PSD3: variants seen among roughly 807,000 people sequenced by gnomAD.
The protein encoded by PSD3 is pleckstrin and Sec7 domain containing 3, also known as PH and SEC7 domain-containing protein 3.
Under a neutral mutation model 105.5 loss-of-function variants are expected in PSD3, and 49 were observed. The ratio of observed to expected loss-of-function variants is 0.46; its 90% CI spans 0.37 to 0.59. PSD3 has a LOEUF of 0.59. Among genes scored for constraint, PSD3 ranks in the 20% least tolerant of loss-of-function variants. The probability of loss-of-function intolerance (pLI) is 0.00; values close to 1 mark genes in which losing one functional copy is unlikely to be tolerated. For synonymous variants in PSD3, 557 were observed against 457.8 expected, an observed-to-expected ratio of 1.22 and a Z score of -2.77; for missense variants, 1,561 against 1,263.8, an observed-to-expected ratio of 1.24 and a Z score of -3.57.
At chr8:18,998,595 A>G (rs1253235768) in intron 1 of PSD3, among the ~76,000 whole-genome samples, 1 of 151,980 alleles carries the variant, frequency 6.6e-6, no homozygotes, top group South Asian at 2.1e-4. Flanking sequence ...GCTGAGGCAG[A>G]AGAATCGCTT....
chr8:18,856,740 AATT>A (rs1471821105), intron 4 of PSD3, among the ~76,000 whole-genome samples: 3 of 152,186 alleles, frequency 2.0e-5, no homozygotes, highest in African/African-American at 2.4e-5. Flanking sequence ...AGGCTCTTAG[AATT>A]ATTATTACAG....
intron 1 of PSD3, among the ~76,000 whole-genome samples, chr8:18,954,954 AAG>A (rs1208699911): frequency 6.6e-6 from 1 of 152,238 alleles, no homozygotes; most frequent in African/African-American, 2.4e-5. Flanking sequence ...ACGCCAAAAA[AAG>A]AGATAACATC....
At chr8:18,786,072 AG>A (rs759749953) in intron 8 of PSD3, among the ~76,000 whole-genome samples, 30 of 152,120 alleles carry the variant, frequency 2.0e-4, no homozygotes, top group Non-Finnish European at 5.9e-5. Context: ...TACAATAAAA[AG>A]TTTCCCTGTG....
intron 1 of PSD3, among the ~76,000 whole-genome samples, chr8:19,047,249 C>T (rs943829351): frequency 2.0e-5 from 3 of 152,208 alleles, no homozygotes; most frequent in African/African-American, 4.8e-5. Flanking sequence ...CTCTCTAACT[C>T]TGCAGTTCTC....
intron 4 of PSD3, among the ~76,000 whole-genome samples, chr8:18,859,683 A>G (rs6986558): frequency 0.088 from 13,431 of 152,222 alleles, 732 homozygotes; most frequent in African/African-American, 0.15. Context: ...TTACGGAGAT[A>G]GCTTCTTTTC....
chr8:18,605,376 C>CT (rs36029670), intron 11 of PSD3, among the ~76,000 whole-genome samples: 110,522 of 151,428 alleles, frequency 0.73, 40,512 homozygotes, highest in East Asian at 0.82. Context: ...CCTGTAGCCC[C>CT]TTTTTTTTGG....
At position 18,685,266 on chromosome 8, in the gene PSD3, A is replaced by G. The variant is rs920881546; in HGVS notation, c.2173-29581T>C. On this transcript the variant is annotated intron_variant, in intron 9 of 15. Coordinates refer to ENST00000327040, the MANE Select transcript of PSD3 (RefSeq NM_015310.4). ...ATTAATTTTTTAAAAAATGGTTTAA[A>G]GTAATTCTTAAACTTTAATTACTAA... Among the ~76,000 whole-genome samples, 7 of 152,288 alleles carry G rather than the reference A, an allele frequency of 4.6e-5. No homozygotes were observed. The South Asian group carries it at 1.5e-3, about 32-fold the overall frequency.
At chr8:18,965,801 TA>T (rs1824204273) in intron 1 of PSD3, among the ~76,000 whole-genome samples, 1 of 152,182 alleles carries the variant, frequency 6.6e-6, no homozygotes, top group Admixed American at 6.5e-5. Context: ...ATCTGAAGCT[TA>T]ATACAGAATT....
At chr8:18,757,965 A>G (rs973358940) in intron 9 of PSD3, among the ~76,000 whole-genome samples, 1 of 152,182 alleles carries the variant, frequency 6.6e-6, no homozygotes, top group African/African-American at 2.4e-5. Flanking sequence ...CTCTGGCTGA[A>G]TAGACAAACT....
At chr8:18,679,774 C>A (rs1041517708) in intron 9 of PSD3, among the ~76,000 whole-genome samples, 3 of 152,200 alleles carry the variant, frequency 2.0e-5, no homozygotes, top group African/African-American at 7.2e-5. Flanking sequence ...TATGCACCAA[C>A]CAAAGTACCA....
intron 1 of PSD3, among the ~76,000 whole-genome samples, chr8:19,023,408 T>TTTAC (rs1290983199): frequency 1.7e-5 from 2 of 115,308 alleles, no homozygotes; most frequent in African/African-American, 6.3e-5. Context: ...TATTTATTTA[T>TTTAC]TTATTTATTT....
intron 9 of PSD3, among the ~76,000 whole-genome samples, chr8:18,740,335 C>T (rs541094985): frequency 9.3e-4 from 141 of 152,314 alleles, no homozygotes; most frequent in African/African-American, 3.0e-3. Context: ...CTGACCTCAA[C>T]TGCACCCTTT....
intron 4 of PSD3, among the ~76,000 whole-genome samples, chr8:18,847,568 AG>A (rs1409923272): frequency 1.3e-5 from 2 of 152,242 alleles, no homozygotes; most frequent in Non-Finnish European, 2.9e-5. Flanking sequence ...AACTAATCTA[AG>A]GAGCCAGAAT....
chr8:18,542,132 G>A (rs1464737777), intron 15 of PSD3, among the ~76,000 whole-genome samples: 1 of 152,110 alleles, frequency 6.6e-6, no homozygotes, highest in Non-Finnish European at 1.5e-5. Context: ...TGAGAAACTG[G>A]ACCACTGTAG....
At chr8:18,669,464 G>C (rs1799659252) in intron 9 of PSD3, among the ~76,000 whole-genome samples, 1 of 152,216 alleles carries the variant, frequency 6.6e-6, no homozygotes, top group South Asian at 2.1e-4. Flanking sequence ...GCACTTTGCA[G>C]CTATTATTAA....
At chr8:18,725,444 G>C (rs1228549837) in intron 9 of PSD3, among the ~76,000 whole-genome samples, 1 of 152,068 alleles carries the variant, frequency 6.6e-6, no homozygotes, top group Non-Finnish European at 1.5e-5. Context: ...TGTCCTAAAG[G>C]GGAGAAATCC....
intron 1 of PSD3, among the ~76,000 whole-genome samples, chr8:18,984,189 T>C (rs1825384217): frequency 7.4e-6 from 1 of 134,688 alleles, no homozygotes; most frequent in African/African-American, 2.6e-5. Flanking sequence ...AACCCTTCAA[T>C]TAAAATAATA....
At chr8:19,074,611 A>ATATATTTTT (rs1324257417) in intron 1 of PSD3, among the ~76,000 whole-genome samples, 3 of 24,224 alleles carry the variant, frequency 1.2e-4, no homozygotes, top group African/African-American at 1.6e-4. Flanking sequence ...ATATATATAT[A>ATATATTTTT]TTTTTTTTTT....
At chr8:18,790,537 C>T (rs1448737055) in intron 8 of PSD3, among the ~76,000 whole-genome samples, 5 of 151,978 alleles carry the variant, frequency 3.3e-5, no homozygotes, top group South Asian at 2.1e-4. Context: ...CTCCTGACCT[C>T]GTGATCTGCC....
Sources: allele counts gnomAD v4.1 joint callset (sites outside exome capture counted in the v4.1 genomes callset), GRCh38; gene constraint gnomAD v4.1.1; transcripts MANE v1.5; gene names NCBI Gene and HGNC (gene_info 2026-07-23, HGNC 2026-07-21).